The following CHST3 variants were observed in gnomAD, a reference collection of about 807,000 sequenced individuals.
CHST3 encodes the protein C6ST-1.
A neutral mutation model predicts 35.4 loss-of-function variants in CHST3; 20 were observed. The observed-to-expected ratio is 0.57, with a 90% CI of 0.40 to 0.82. CHST3 has a LOEUF of 0.82. CHST3 is among the 40% of genes least tolerant of loss of function. The pLI is 0.00. For missense variants in CHST3, 693 were observed against 670.1 expected, an observed-to-expected ratio of 1.03 and a Z score of -0.38; for synonymous variants, 334 against 295.9, an observed-to-expected ratio of 1.13 and a Z score of -1.32.
intron 1 of CHST3, among the ~76,000 whole-genome samples, chr10:71,981,119 G>A (rs1219152333): frequency 1.3e-5 from 2 of 152,212 alleles, no homozygotes; most frequent in Non-Finnish European, 2.9e-5. Flanking sequence ...GGTCAAGCGT[G>A]ACTGCCCCAT....
At chr10:71,966,700 A>T (rs1007517956) in intron 1 of CHST3, among the ~76,000 whole-genome samples, 14 of 152,160 alleles carry the variant, frequency 9.2e-5, no homozygotes, top group African/African-American at 3.4e-4. Flanking sequence ...CACCTTCATT[A>T]TGCCCTCTGT....
chr10:71,969,483 A>G (rs1013415100), intron 1 of CHST3, among the ~76,000 whole-genome samples: 2 of 152,198 alleles, frequency 1.3e-5, no homozygotes, highest in African/African-American at 2.4e-5. Flanking sequence ...AGATGTCCAT[A>G]GAACGGGAAA....
At chr10:71,984,779 T>A (rs996217006) in intron 1 of CHST3, among the ~76,000 whole-genome samples, 8 of 152,198 alleles carry the variant, frequency 5.3e-5, no homozygotes, top group African/African-American at 1.9e-4. Flanking sequence ...TTGGAACAAT[T>A]CCTTGTTCAC....
chr10:72,001,967 T>C (rs1839997084), intron 1 of CHST3, among the ~76,000 whole-genome samples: 1 of 152,176 alleles, frequency 6.6e-6, no homozygotes, highest in Non-Finnish European at 1.5e-5. Flanking sequence ...TCCTGCATGG[T>C]GAGTTCTGCG....
chr10:71,970,829 C>T (rs951221355), intron 1 of CHST3, among the ~76,000 whole-genome samples: 1 of 152,160 alleles, frequency 6.6e-6, no homozygotes, highest in African/African-American at 2.4e-5. Context: ...CTAATTTTCC[C>T]GTTATGTCTC....
intron 1 of CHST3, among the ~76,000 whole-genome samples, chr10:71,977,922 G>A (rs893209336): frequency 1.6e-4 from 25 of 152,148 alleles, no homozygotes; most frequent in African/African-American, 5.8e-4. Flanking sequence ...CCCACCAGCT[G>A]GATCTGAGCC....
rs137910710 is a variant in CHST3 at position 71,985,520 on chromosome 10, G to A, written c.-107-20216G>A. On this transcript the variant is annotated intron_variant, in intron 1 of 2. Transcript: ENST00000373115. ...TGGTTCTGCAAAAAGCCAAACTCCAGTTGAGGTCCAGTTTGAACCCAACTA... is the reference window on the plus strand; with the variant it reads ...TGGTTCTGCAAAAAGCCAAACTCCAATTGAGGTCCAGTTTGAACCCAACTA... 5.0e-3 allele frequency among the ~76,000 whole-genome samples: 756 copies of A among 152,248 alleles called. 2 individuals carry two copies. Among genetic ancestry groups the A allele is most frequent in the African/African-American group, 0.016 (681 of 41,520 alleles).
intron 1 of CHST3, among the ~76,000 whole-genome samples, chr10:71,992,070 G>A (rs568840086): frequency 2.6e-5 from 4 of 152,296 alleles, no homozygotes; most frequent in African/African-American, 4.8e-5. Context: ...TTTAGCAAGC[G>A]ACTTGTAGTC....
chr10:71,984,370 G>A (rs1340928898), intron 1 of CHST3, among the ~76,000 whole-genome samples: 5 of 152,204 alleles, frequency 3.3e-5, no homozygotes, highest in African/African-American at 7.2e-5. Flanking sequence ...GCTGTGGAGC[G>A]CACTTTCTCA....
intron 1 of CHST3, among the ~76,000 whole-genome samples, chr10:71,990,599 G>T (rs1227691188): frequency 6.6e-6 from 1 of 152,148 alleles, no homozygotes; most frequent in Non-Finnish European, 1.5e-5. Flanking sequence ...CCGCCCTCAG[G>T]TGATCCACCT....
rs544759355 is a variant in CHST3 at position 71,973,507 on chromosome 10, C to G, written c.-108+8813C>G. Among the ~76,000 whole-genome samples, 9 of 152,316 alleles carry G rather than the reference C, an allele frequency of 5.9e-5. No homozygotes were observed. In the East Asian group the frequency reaches 1.7e-3, roughly 29 times the overall value. The stretch of plus-strand genomic sequence containing the variant: ...GAAGCCCTACTGGCCGGCTGCCTCC[C>G]CAGGGGTGGGTAGAACTGTTCTGTG... On this transcript the variant is annotated intron_variant, in intron 1 of 2. Transcript: ENST00000373115.
intron 1 of CHST3, among the ~76,000 whole-genome samples, chr10:71,982,614 G>T (rs1839811463): frequency 1.3e-5 from 2 of 152,054 alleles, no homozygotes; most frequent in African/African-American, 4.8e-5. Context: ...TTAGCTGAGT[G>T]TGGTTGCACG....
chr10:71,967,571 C>G (rs1173545760), intron 1 of CHST3, among the ~76,000 whole-genome samples: 1 of 152,124 alleles, frequency 6.6e-6, no homozygotes, highest in Non-Finnish European at 1.5e-5. Context: ...ATCTGGTCTA[C>G]CGTTGATGGG....
chr10:72,001,755 A>G (rs1839995422), intron 1 of CHST3, among the ~76,000 whole-genome samples: 2 of 152,026 alleles, frequency 1.3e-5, no homozygotes, highest in African/African-American at 4.8e-5. Flanking sequence ...ACAGGCGTGA[A>G]CCATCGTGCC....
intron 1 of CHST3, among the ~76,000 whole-genome samples, chr10:71,980,366 A>C (rs980754299): frequency 6.6e-6 from 1 of 152,158 alleles, no homozygotes; most frequent in Non-Finnish European, 1.5e-5. Flanking sequence ...AAAGTGAAAA[A>C]AGAAACTCAT....
chr10:72,008,265 A>C lies in CHST3; in HGVS notation c.1234A>C (p.Ser412Arg), dbSNP rs1286335965. 1 of 1,582,300 alleles carries C rather than the reference A, an allele frequency of 6.3e-7. No individual in the cohort carries two copies. The highest frequency in any genetic ancestry group is 8.6e-7 in the Non-Finnish European group (1 of 1,164,800). ...QKNTQAAHDG[S>R]GIYSTQKNSS... is the part of the protein sequence containing the mutation. ...GAACACGCAGGCGGCCCACGACGGC[A>C]GCGGCATCTACTCCACGCAGAAGAA... is the stretch of plus-strand genomic sequence containing the variant. The change falls in exon 3 of 3, where the codon AGC (serine) becomes CGC (arginine). Residue 412 changes from serine to arginine, a missense_variant. By Grantham distance (110) the Ser-to-Arg change is moderately radical. Coordinates refer to ENST00000373115, the MANE Select transcript of CHST3 (RefSeq NM_004273.5).
intron 1 of CHST3, among the ~76,000 whole-genome samples, chr10:71,977,950 G>C (rs1223194273): frequency 6.6e-6 from 1 of 152,188 alleles, no homozygotes; most frequent in Non-Finnish European, 1.5e-5. Context: ...GAGAAGTGAA[G>C]TCCATGAAGC....
chr10:71,978,411 A>G (rs1198558678), intron 1 of CHST3, among the ~76,000 whole-genome samples: 1 of 150,980 alleles, frequency 6.6e-6, no homozygotes, highest in Non-Finnish European at 1.5e-5. Context: ...TGGATCTCCA[A>G]CATGCTGGGC....
At chr10:71,966,257 A>G (rs1839631397) in intron 1 of CHST3, among the ~76,000 whole-genome samples, 1 of 152,004 alleles carries the variant, frequency 6.6e-6, no homozygotes, top group Non-Finnish European at 1.5e-5. Flanking sequence ...GGTCTCATGA[A>G]GGGTCTAGGA....
Sources: allele counts gnomAD v4.1 joint callset (sites outside exome capture counted in the v4.1 genomes callset), GRCh38; gene constraint gnomAD v4.1.1; transcripts MANE v1.5; gene names NCBI Gene and HGNC (gene_info 2026-07-23, HGNC 2026-07-21).